Variants in DLGAP2 observed in about 807,000 individuals in gnomAD.
DLGAP2 encodes DLG associated protein 2.
In DLGAP2, 26 loss-of-function variants were observed where a neutral mutation model predicts 100.3. The observed-to-expected ratio is 0.26, with a 90% CI of 0.19 to 0.36. The LOEUF (loss-of-function observed/expected upper bound fraction) is 0.36. DLGAP2 is among the 10% of genes least tolerant of loss of function. The pLI is 1.00. For synonymous variants in DLGAP2, 886 were observed against 630.1 expected (o/e 1.41, Z -6.08); for missense variants, 1,858 against 1,453.2 (o/e 1.28, Z -4.53).
intron 3 of DLGAP2, among the ~76,000 whole-genome samples, chr8:1,350,963 C>A (rs113714250): frequency 1.1e-4 from 11 of 103,214 alleles, no homozygotes; most frequent in Non-Finnish European, 1.8e-4. Flanking sequence ...TGTGGAAAGG[C>A]CGTGCGGGTC....
intron 2 of DLGAP2, among the ~76,000 whole-genome samples, chr8:1,098,399 G>C (rs1360832286): frequency 6.6e-6 from 1 of 152,232 alleles, no homozygotes; most frequent in Non-Finnish European, 1.5e-5. Context: ...CACCCGACGT[G>C]TGACTGGCTC....
chr8:809,321 G>A (rs555344248), intron 1 of DLGAP2, among the ~76,000 whole-genome samples: 10 of 152,224 alleles, frequency 6.6e-5, no homozygotes, highest in African/African-American at 2.2e-4. Context: ...TTCATTTAGG[G>A]TTCTTTCTCA....
At chr8:1,298,894 G>A (rs184886979) in intron 3 of DLGAP2, among the ~76,000 whole-genome samples, 457 of 152,260 alleles carry the variant, frequency 3.0e-3, no homozygotes, top group Non-Finnish European at 4.9e-3. Context: ...GCCTGAGGCA[G>A]GAACGGGGGG....
intron 3 of DLGAP2, among the ~76,000 whole-genome samples, chr8:1,467,758 G>C (rs1798666528): frequency 1.3e-5 from 2 of 152,190 alleles, no homozygotes; most frequent in Non-Finnish European, 2.9e-5. Flanking sequence ...GGGGGGCAGA[G>C]TGGCAGAGAC....
intron 3 of DLGAP2, among the ~76,000 whole-genome samples, chr8:1,410,765 G>A (rs983403269): frequency 6.6e-6 from 1 of 151,486 alleles, no homozygotes; most frequent in East Asian, 1.9e-4. Context: ...TGGTTTTCTT[G>A]TTCAGGAATT....
chr8:1,367,847 T>C (rs943325518), intron 3 of DLGAP2, among the ~76,000 whole-genome samples: 3 of 152,224 alleles, frequency 2.0e-5, no homozygotes, highest in African/African-American at 7.2e-5. Context: ...AGCCTTTATC[T>C]AGACATAAAT....
intron 4 of DLGAP2, among the ~76,000 whole-genome samples, chr8:1,505,083 G>A (rs1799860334): frequency 6.6e-6 from 1 of 152,172 alleles, no homozygotes; most frequent in Non-Finnish European, 1.5e-5. Context: ...ACAACATTGG[G>A]AGCAAATAGC....
intron 2 of DLGAP2, chr8:927,328 A>G: frequency 1.4e-6 from 1 of 727,982 alleles, no homozygotes; most frequent in Non-Finnish European, 1.7e-6. Context: ...ATGTTGATTC[A>G]ATGACTAAAA....
chr8:1,623,220 T>C (rs550325285), intron 6 of DLGAP2, among the ~76,000 whole-genome samples: 2 of 152,324 alleles, frequency 1.3e-5, no homozygotes, highest in South Asian at 2.1e-4. Flanking sequence ...CCCAGTGACC[T>C]TGGGATTTTA....
chr8:1,583,861 A>C (rs959820287), intron 6 of DLGAP2, among the ~76,000 whole-genome samples: 9 of 152,040 alleles, frequency 5.9e-5, no homozygotes, highest in Non-Finnish European at 4.4e-5. Flanking sequence ...CTGCCCCCGG[A>C]AAGCCTTGTT....
At chr8:1,468,471 A>T (rs1354274745) in intron 3 of DLGAP2, among the ~76,000 whole-genome samples, 1 of 151,562 alleles carries the variant, frequency 6.6e-6, no homozygotes, top group Non-Finnish European at 1.5e-5. Context: ...CCCGGTTCAC[A>T]TCGCATGGAT....
At chr8:1,669,437 T>A (rs1163613947) in intron 9 of DLGAP2, among the ~76,000 whole-genome samples, 1 of 152,196 alleles carries the variant, frequency 6.6e-6, no homozygotes, top group African/African-American at 2.4e-5. Flanking sequence ...CTGGGTCAGG[T>A]AGCGCATCCC....
At chr8:1,173,157 G>C (rs538234389) in intron 2 of DLGAP2, among the ~76,000 whole-genome samples, 1 of 152,232 alleles carries the variant, frequency 6.6e-6, no homozygotes, top group Non-Finnish European at 1.5e-5. Context: ...TCCAGACCCA[G>C]TTTGCCTGGG....
At chr8:965,501 G>T (rs1371130310) in intron 2 of DLGAP2, among the ~76,000 whole-genome samples, 2 of 128,116 alleles carry the variant, frequency 1.6e-5, no homozygotes, top group African/African-American at 6.5e-5. Context: ...ACCACACAGG[G>T]CTCCTGAGTC....
chr8:1,276,692 C>G (rs901931508), intron 3 of DLGAP2, among the ~76,000 whole-genome samples: 2 of 151,986 alleles, frequency 1.3e-5, no homozygotes, highest in South Asian at 2.1e-4. Context: ...ATGAGTAGAA[C>G]AAGACACTCT....
rs1795945644 is a variant in DLGAP2, at chr8:792,867, T to G, written c.18+55042T>G. Reference sequence around the variant, plus strand: ...TCTACTTGCTTCTATTTATTGAAAGTTTTCTCATTTTTGTTTATGGGGCTG... The same window carrying G: ...TCTACTTGCTTCTATTTATTGAAAGGTTTCTCATTTTTGTTTATGGGGCTG... On this transcript the variant is annotated intron_variant, in intron 1 of 14. Coordinates refer to ENST00000637795, the MANE Select transcript of DLGAP2 (RefSeq NM_001346810.2). Among the ~76,000 whole-genome samples the G allele has an allele frequency of 2.0e-5, 3 of 152,340 alleles. 1 individual carries two copies. The South Asian group carries it at 6.2e-4, about 32-fold the overall frequency.
At chr8:1,361,554 T>C (rs1801982418) in intron 3 of DLGAP2, among the ~76,000 whole-genome samples, 1 of 152,250 alleles carries the variant, frequency 6.6e-6, no homozygotes, top group Admixed American at 6.5e-5. Context: ...TTCTTGCTCG[T>C]GATTGTTTTA....
intron 4 of DLGAP2, among the ~76,000 whole-genome samples, chr8:1,522,879 A>G (rs1351856057): frequency 1.3e-5 from 2 of 152,248 alleles, no homozygotes; most frequent in African/African-American, 4.8e-5. Flanking sequence ...GCATTTTGGC[A>G]TGAAAATTAG....
At chr8:1,430,011 T>TGC (rs1797370603) in intron 3 of DLGAP2, among the ~76,000 whole-genome samples, 2 of 63,960 alleles carry the variant, frequency 3.1e-5, no homozygotes, top group African/African-American at 1.1e-4. Context: ...TATATACATA[T>TGC]ATATATATAT....
Sources: gnomAD v4.1 joint callset for allele counts (sites outside exome capture counted in the v4.1 genomes callset) on GRCh38, gnomAD v4.1.1 for gene constraint, MANE v1.5 for transcripts, NCBI Gene and HGNC (gene_info 2026-07-23, HGNC 2026-07-21) for gene names.